Variants in SDK2 observed in about 807,000 individuals in gnomAD.
The protein encoded by SDK2 is protein sidekick-2.
In SDK2, 105 loss-of-function variants were observed where a neutral mutation model predicts 253.9. The observed-to-expected ratio is 0.41, with a 90% confidence interval of 0.35 to 0.49. The LOEUF is 0.49. Among genes scored for constraint, SDK2 ranks in the 20% least tolerant of loss-of-function variants. The pLI is 0.06. For synonymous variants in SDK2, 1,249 were observed against 1,234.9 expected (o/e 1.01, Z -0.24); for missense variants, 2,608 against 3,003.0 (o/e 0.87, Z 3.07).
At chr17:73,360,958 AAAC>A (rs973047075) in intron 39 of SDK2, among the ~76,000 whole-genome samples, 11 of 149,994 alleles carry the variant, frequency 7.3e-5, no homozygotes, top group Non-Finnish European at 1.3e-4. Flanking sequence ...AAAAAAGCCC[AAAC>A]AACAACAACA....
chr17:73,626,010 C>A, intron 1 of SDK2, among the ~76,000 whole-genome samples: 1 of 152,318 alleles, frequency 6.6e-6, no homozygotes, highest in African/African-American at 2.4e-5. Flanking sequence ...TTAGAGAACA[C>A]GTCAGGGCTA....
chr17:73,366,287 C>T (rs937190935), intron 37 of SDK2, among the ~76,000 whole-genome samples: 3 of 152,028 alleles, frequency 2.0e-5, no homozygotes, highest in African/African-American at 4.8e-5. Flanking sequence ...ACGGAAGCCT[C>T]GGGTTCCCTG....
At chr17:73,566,317 A>ATGTGTGTGTG (rs763921480) in intron 1 of SDK2, among the ~76,000 whole-genome samples, 2,813 of 143,774 alleles carry the variant, frequency 0.02, 46 homozygotes, top group South Asian at 0.043. Context: ...TCTTATATAT[A>ATGTGTGTGTG]TATGTGTGTG....
chr17:73,382,043 C>T (rs1018642555), intron 33 of SDK2, among the ~76,000 whole-genome samples: 6 of 152,092 alleles, frequency 3.9e-5, no homozygotes, highest in African/African-American at 1.4e-4. Context: ...GGTGAAACCC[C>T]GTTTCTACTA....
intron 1 of SDK2, among the ~76,000 whole-genome samples, chr17:73,622,290 C>G (rs77598565): frequency 6.6e-6 from 1 of 152,168 alleles, no homozygotes; most frequent in Non-Finnish European, 1.5e-5. Context: ...GTCAGCAACA[C>G]GTTGGAAAGG....
chr17:73,538,557 T>G (rs553849546), intron 1 of SDK2, among the ~76,000 whole-genome samples: 3 of 152,254 alleles, frequency 2.0e-5, no homozygotes, highest in Admixed American at 1.3e-4. Flanking sequence ...CAGGTGACAT[T>G]TGAAAAGATG....
intron 2 of SDK2, among the ~76,000 whole-genome samples, chr17:73,475,205 G>T (rs2063677689): frequency 6.6e-6 from 1 of 152,024 alleles, no homozygotes; most frequent in Non-Finnish European, 1.5e-5. Flanking sequence ...AGGCTGAAGT[G>T]CAGTGGTGTG....
intron 44 of SDK2, among the ~76,000 whole-genome samples, chr17:73,342,178 C>T (rs1265023545): frequency 1.3e-5 from 2 of 151,838 alleles, no homozygotes; most frequent in Non-Finnish European, 2.9e-5. Flanking sequence ...CCTCTCCTCA[C>T]CCCTCTACAA....
At chr17:73,607,287 T>C (rs942377210) in intron 1 of SDK2, among the ~76,000 whole-genome samples, 3 of 152,204 alleles carry the variant, frequency 2.0e-5, no homozygotes, top group Admixed American at 6.5e-5. Context: ...AAAGCACAGC[T>C]GAGACGTCCA....
rs894113104 is a variant in SDK2, at chr17:73,352,821, G to A, written c.5594-184C>T. On this transcript the variant is annotated intron_variant, in intron 40 of 44. Coordinates refer to ENST00000392650, the MANE Select transcript of SDK2 (RefSeq NM_001144952.2). The surrounding 1 kb of genome is among the most constrained non-coding windows in gnomAD (Gnocchi z 4.1). The stretch of plus-strand genomic sequence containing the variant: ...AAAGACAACTTTCGGGCCAAGCACG[G>A]TGGCTCATGCCTGTAATTCCAGCAC... 3.9e-5 allele frequency among the ~76,000 whole-genome samples: 6 copies of A among 152,244 alleles called. No homozygotes were observed. Among genetic ancestry groups the A allele is most frequent in the Non-Finnish European group, 7.3e-5 (5 of 68,048 alleles).
intron 1 of SDK2, among the ~76,000 whole-genome samples, chr17:73,546,399 C>T (rs991664465): frequency 2.0e-5 from 3 of 152,220 alleles, no homozygotes; most frequent in Admixed American, 6.5e-5. Flanking sequence ...TGCCACAGCA[C>T]GGGGCTCGCT....
Position 73,380,901 on chromosome 17 carries a change from C to A in SDK2, c.4755G>T (p.Glu1585Asp), listed in dbSNP as rs560405975. 1 of 1,567,460 alleles carries A rather than the reference C, an allele frequency of 6.4e-7. No homozygotes were observed. Among genetic ancestry groups the A allele is most frequent in the Admixed American group, 1.9e-5 (1 of 53,338 alleles). The change falls in exon 34 of 45, where the codon GAG becomes GAT. Residue 1585 changes from glutamate (E) to aspartate (D), a missense_variant. Coordinates refer to ENST00000392650, the MANE Select transcript of SDK2 (RefSeq NM_001144952.2). ...CCATGCAAGGAGACTTACTGTCCAGCTCGTACTGCGTGAGGCTGGGCCGGC... is the reference window on the plus strand; with the variant it reads ...CCATGCAAGGAGACTTACTGTCCAGATCGTACTGCGTGAGGCTGGGCCGGC... ...NLSRPSLTQY[E>D]LDNLNKHRRY...
chr17:73,388,958 T>G, intron 29 of SDK2, among the ~76,000 whole-genome samples: 1 of 436 alleles, frequency 2.3e-3, no homozygotes, highest in Non-Finnish European at 3.4e-3. Flanking sequence ...CCCCCTCCCC[T>G]CCCCTCTCCT....
intron 3 of SDK2, among the ~76,000 whole-genome samples, chr17:73,468,743 T>C (rs2063621998): frequency 6.6e-6 from 1 of 151,906 alleles, no homozygotes; most frequent in African/African-American, 2.4e-5. Flanking sequence ...GCCAGGATGG[T>C]CTCAATCTCC....
intron 38 of SDK2, among the ~76,000 whole-genome samples, chr17:73,363,038 T>C (rs1358165025): frequency 1.3e-5 from 2 of 152,204 alleles, no homozygotes; most frequent in African/African-American, 4.8e-5. Context: ...TTAAGTAAAA[T>C]AACAGAGCAT....
At chr17:73,458,496 T>G (rs914537382) in intron 3 of SDK2, among the ~76,000 whole-genome samples, 1 of 152,232 alleles carries the variant, frequency 6.6e-6, no homozygotes, top group African/African-American at 2.4e-5. Flanking sequence ...TCCAAAGCCC[T>G]AGTCTTGATT....
intron 36 of SDK2, among the ~76,000 whole-genome samples, chr17:73,374,479 T>C (rs973236313): frequency 2.1e-5 from 3 of 143,280 alleles, no homozygotes; most frequent in Non-Finnish European, 4.4e-5. Context: ...TAATTTTTTT[T>C]TTTTTTGAGA....
chr17:73,340,279 T>C (rs2062423637), intron 44 of SDK2, among the ~76,000 whole-genome samples: 1 of 152,246 alleles, frequency 6.6e-6, no homozygotes, highest in East Asian at 1.9e-4. Flanking sequence ...CCACCACTTC[T>C]ATCCAGCCCT....
chr17:73,433,901 A>G (rs2063347659), intron 9 of SDK2, 53 bp from the exon 10 acceptor site: 2 of 1,314,066 alleles, frequency 1.5e-6, no homozygotes, highest in Non-Finnish European at 1.0e-6. Flanking sequence ...ATGTCCCCCA[A>G]GCCAGAGGGC....
Sources: gnomAD v4.1 joint callset for allele counts (sites outside exome capture counted in the v4.1 genomes callset) on GRCh38, gnomAD v4.1.1 for gene constraint, Gnocchi (gnomAD v3.1) non-coding constraint, MANE v1.5 for transcripts, NCBI Gene and HGNC (gene_info 2026-07-23, HGNC 2026-07-21) for gene names.